Variants in HGSNAT observed in about 807,000 individuals in gnomAD.
HGSNAT encodes transmembrane protein 76.
HGSNAT carries 59 observed loss-of-function variants against 85.2 expected under a neutral mutation model. The observed-to-expected ratio is 0.69, with a 90% CI of 0.56 to 0.86. The LOEUF is 0.86. HGSNAT is among the 40% of genes least tolerant of loss of function. HGSNAT has a pLI of 0.00. For synonymous variants in HGSNAT, 321 were observed against 304.5 expected (o/e 1.05, Z -0.56); for missense variants, 756 against 777.1 (o/e 0.97, Z 0.32).
chr8:43,197,433 T>C (rs768647975), intron 15 of HGSNAT: 5 of 565,016 alleles, frequency 8.8e-6, no homozygotes, highest in Non-Finnish European at 1.6e-5. Context: ...TCAGAGTCAC[T>C]GTCATTTAAT....
intron 2 of HGSNAT, among the ~76,000 whole-genome samples, 156 bp downstream of exon 2, chr8:43,147,219 G>T (rs1177462292): frequency 6.6e-6 from 1 of 152,200 alleles, no homozygotes; most frequent in Non-Finnish European, 1.5e-5. Flanking sequence ...TACAGTCAGG[G>T]GAGGATGCCT....
At chr8:43,153,403 A>G (rs937173609) in intron 2 of HGSNAT, among the ~76,000 whole-genome samples, 1 of 152,026 alleles carries the variant, frequency 6.6e-6, no homozygotes, top group Non-Finnish European at 1.5e-5. Context: ...TTTATGGGGT[A>G]CAGTATCTCG....
chr8:43,159,148 G>GA, intron 4 of HGSNAT, 104 bp downstream of exon 4: 5 of 1,214,996 alleles, frequency 4.1e-6, no homozygotes, highest in Non-Finnish European at 5.7e-6. Context: ...TTCTGTAGTT[G>GA]AAAACCTAAA....
chr8:43,184,146 T>A (rs1387147167), intron 11 of HGSNAT, among the ~76,000 whole-genome samples: 1 of 152,250 alleles, frequency 6.6e-6, no homozygotes, highest in Non-Finnish European at 1.5e-5. Flanking sequence ...TTTGGGTATA[T>A]ACCCAGTAAT....
intron 5 of HGSNAT, among the ~76,000 whole-genome samples, chr8:43,164,532 C>A (rs566788996): frequency 6.9e-4 from 105 of 152,242 alleles, no homozygotes; most frequent in African/African-American, 2.4e-3. Context: ...GTAATCCCAG[C>A]ACTTTGGGGG....
chr8:43,170,552 T>A, intron 6 of HGSNAT, 33 bp from the exon 7 acceptor site: 1 of 1,432,130 alleles, frequency 7.0e-7, no homozygotes, highest in Non-Finnish European at 9.7e-7. Context: ...CTTAGCATTA[T>A]GAGTTGTCAT....
At position 43,172,370 on chromosome 8, in the gene HGSNAT, AC is replaced by A. The variant is rs1563368809; in HGVS notation, c.805del (p.His269MetfsTer7). The A allele has an allele frequency of 6.2e-7, 1 of 1,607,188 alleles. No individual in the cohort carries two copies. Among genetic ancestry groups the A allele is most frequent in the Non-Finnish European group, 8.5e-7 (1 of 1,173,746 alleles). ...GAGGAGGAAAATATTGGTACTTCAA[AC>A]ATGCAAGTTGGAATGGTAAGATATT... ...YGGGKYWYFK[H>X]ASWNGLTVAD... On this transcript the variant is annotated frameshift_variant, in exon 8 of 18. Coordinates refer to ENST00000379644, the MANE Select transcript of HGSNAT (RefSeq NM_152419.3). LOFTEE classifies it high-confidence loss of function.
chr8:43,142,378 C>T (rs961582044), intron 1 of HGSNAT, among the ~76,000 whole-genome samples: 3 of 152,114 alleles, frequency 2.0e-5, no homozygotes, highest in African/African-American at 7.2e-5. Flanking sequence ...TGAAGCTGAA[C>T]ATCAAGCTCA....
intron 10 of HGSNAT, among the ~76,000 whole-genome samples, chr8:43,181,454 G>A (rs955270882): frequency 1.3e-5 from 2 of 152,026 alleles, no homozygotes; most frequent in African/African-American, 2.4e-5. Flanking sequence ...TGCAACTGTC[G>A]TTAGCAGAAG....
chr8:43,176,636 T>C (rs575492264), intron 9 of HGSNAT, among the ~76,000 whole-genome samples: 3 of 152,308 alleles, frequency 2.0e-5, no homozygotes, highest in African/African-American at 4.8e-5. Context: ...TTGCTTTAGG[T>C]AGTGTGAACA....
Position 43,199,386 on chromosome 8 carries a change from A to G in HGSNAT, c.1727-2A>G. On this transcript the variant is annotated splice_acceptor_variant, in intron 17 of 17. Transcript: ENST00000379644. LOFTEE classifies it high-confidence loss of function. Reference sequence around the variant, plus strand: ...GATCTTCTGTATGTCTCTCTCCTTAAGGAATGAATTCCATTCTGGTATATG... The same window carrying G: ...GATCTTCTGTATGTCTCTCTCCTTAGGGAATGAATTCCATTCTGGTATATG... The G allele has an allele frequency of 1.9e-6, 3 of 1,581,140 alleles. No individual in the cohort carries two copies. Among genetic ancestry groups the G allele is most frequent in the Non-Finnish European group, 1.7e-6 (2 of 1,158,678 alleles).
At chr8:43,184,611 C>G (rs1316353341) in intron 11 of HGSNAT, among the ~76,000 whole-genome samples, 1 of 152,164 alleles carries the variant, frequency 6.6e-6, no homozygotes, top group Admixed American at 6.5e-5. Context: ...ATGGTAGTTT[C>G]TTTTGCTGTG....
At chr8:43,159,993 A>G (rs994079202) in intron 4 of HGSNAT, among the ~76,000 whole-genome samples, 1 of 152,228 alleles carries the variant, frequency 6.6e-6, no homozygotes, top group Non-Finnish European at 1.5e-5. Flanking sequence ...GGGCCAATGT[A>G]GGACAATTTA....
chr8:43,167,391 C>T (rs1415504001), intron 5 of HGSNAT, among the ~76,000 whole-genome samples: 1 of 152,198 alleles, frequency 6.6e-6, no homozygotes, highest in Non-Finnish European at 1.5e-5. Context: ...CAACCTACGG[C>T]AGCCACCACC....
intron 14 of HGSNAT, chr8:43,194,380 A>T (rs1401672517): frequency 6.1e-6 from 6 of 983,394 alleles, no homozygotes; most frequent in African/African-American, 1.7e-5. Flanking sequence ...GCTGGGCAAC[A>T]GAGTGAGACC....
intron 10 of HGSNAT, 44 bp from the exon 11 acceptor site, chr8:43,182,101 G>T: frequency 7.1e-7 from 1 of 1,412,352 alleles, no homozygotes; most frequent in Non-Finnish European, 1.0e-6. Flanking sequence ...GGGATGAGAG[G>T]AGAAGTCCTG....
chr8:43,158,601 T>C lies in HGSNAT; in HGVS notation c.261T>C (p.Val87=), dbSNP rs1461875540. The C allele has an allele frequency of 6.2e-7, 1 of 1,613,970 alleles. No individual in the cohort carries two copies. The highest frequency in any genetic ancestry group is 1.7e-5 in the Admixed American group (1 of 60,022). Residue 87 remains valine, a synonymous_variant, in exon 3 of 18, where the codon GTT becomes GTC. Coordinates refer to ENST00000379644, the MANE Select transcript of HGSNAT (RefSeq NM_152419.3). The part of the protein sequence containing the change: ...YHCLFQVLVN[V]PQSPKAGKPS... ...GCTTGTTTCAGGTTCTGGTAAACGT[T>C]CCTCAGAGTCCAAAAGCAGGGAAGC...
chr8:43,150,100 G>A (rs1030744128), intron 2 of HGSNAT, among the ~76,000 whole-genome samples: 1 of 151,924 alleles, frequency 6.6e-6, no homozygotes, highest in African/African-American at 2.4e-5. Flanking sequence ...GGGACTACAG[G>A]CGCCCGCCAC....
At chr8:43,150,507 C>G (rs1053715758) in intron 2 of HGSNAT, among the ~76,000 whole-genome samples, 14 of 151,278 alleles carry the variant, frequency 9.3e-5, no homozygotes, top group African/African-American at 3.4e-4. Context: ...GTGGAAAATA[C>G]ATAAAAAAGA....
Sources: gnomAD v4.1 joint callset for allele counts (sites outside exome capture counted in the v4.1 genomes callset) on GRCh38, gnomAD v4.1.1 for gene constraint, MANE v1.5 for transcripts, NCBI Gene and HGNC (gene_info 2026-07-23, HGNC 2026-07-21) for gene names.